Variants in BNC2 observed in about 807,000 individuals in gnomAD.
BNC2 encodes the protein zinc finger protein basonuclin-2.
BNC2 carries 20 observed loss-of-function variants against 76.3 expected under a neutral mutation model. The ratio of observed to expected loss-of-function variants is 0.26; its 90% CI spans 0.18 to 0.38. BNC2 has a LOEUF of 0.38. Ranked by LOEUF, BNC2 falls within the 10% of genes least tolerant of loss-of-function variation. The probability of loss-of-function intolerance (pLI) is 1.00; values close to 1 mark genes in which losing one functional copy is unlikely to be tolerated. For synonymous variants in BNC2, 582 were observed against 514.8 expected, an observed-to-expected ratio of 1.13 and a Z score of -1.77; for missense variants, 1,382 against 1,399.8, an observed-to-expected ratio of 0.99 and a Z score of 0.20.
intron 5 of BNC2, among the ~76,000 whole-genome samples, chr9:16,546,814 T>G (rs1385494882): frequency 2.0e-5 from 3 of 152,162 alleles, no homozygotes; most frequent in African/African-American, 4.8e-5. Context: ...CATATTACAT[T>G]CTGGAAAGAC....
intron 1 of BNC2, among the ~76,000 whole-genome samples, chr9:16,818,741 G>A (rs542269111): frequency 6.6e-6 from 1 of 152,174 alleles, no homozygotes; most frequent in South Asian, 2.1e-4. Context: ...TGCCCAGGCT[G>A]GTCTCAAACT....
chr9:16,737,620 A>G (rs963385225), intron 2 of BNC2, among the ~76,000 whole-genome samples: 9 of 151,582 alleles, frequency 5.9e-5, no homozygotes, highest in African/African-American at 2.2e-4. Context: ...CTCTCAAGCA[A>G]TCTACTGGCC....
intron 5 of BNC2, among the ~76,000 whole-genome samples, chr9:16,438,624 A>C (rs536037582): frequency 7.9e-5 from 12 of 152,298 alleles, no homozygotes; most frequent in Non-Finnish European, 1.5e-4. Context: ...TCCCATTGGG[A>C]CAGCACACTT....
At chr9:16,447,860 C>T (rs1821259828) in intron 5 of BNC2, among the ~76,000 whole-genome samples, 1 of 152,006 alleles carries the variant, frequency 6.6e-6, no homozygotes, top group South Asian at 2.1e-4. Flanking sequence ...CTTTGCAGCT[C>T]CAAAAACTAG....
chr9:16,452,326 C>T (rs926484096), intron 5 of BNC2, among the ~76,000 whole-genome samples: 1 of 152,096 alleles, frequency 6.6e-6, no homozygotes, highest in African/African-American at 2.4e-5. Context: ...AACACTGTCT[C>T]TCATATAGTT....
intron 2 of BNC2, among the ~76,000 whole-genome samples, chr9:16,736,639 G>A (rs2135104170): frequency 6.6e-6 from 1 of 151,248 alleles, no homozygotes; most frequent in African/African-American, 2.4e-5. Context: ...CCATGCCTGG[G>A]TAATTTTTTT....
At chr9:16,846,924 T>C (rs139279398) in intron 1 of BNC2, among the ~76,000 whole-genome samples, 16 of 152,342 alleles carry the variant, frequency 1.1e-4, no homozygotes, top group Non-Finnish European at 1.8e-4. Flanking sequence ...GCAGTATTAG[T>C]GTATAATTAC....
At chr9:16,782,884 G>A (rs994381756) in intron 1 of BNC2, among the ~76,000 whole-genome samples, 1 of 152,186 alleles carries the variant, frequency 6.6e-6, no homozygotes, top group Non-Finnish European at 1.5e-5. Context: ...TAATGAATGA[G>A]TGAGTAAGTG....
chr9:16,726,954 T>C (rs1331984074), intron 3 of BNC2: 5 of 152,214 alleles, frequency 3.3e-5, no homozygotes, highest in East Asian at 3.9e-4. Context: ...ACGGAGCGCA[T>C]GGTACGAGCC....
At chr9:16,487,002 C>T (rs909291689) in intron 5 of BNC2, among the ~76,000 whole-genome samples, 11 of 152,356 alleles carry the variant, frequency 7.2e-5, no homozygotes, top group Non-Finnish European at 1.6e-4. Flanking sequence ...AGCCACCATG[C>T]TTGGCCATAG....
intron 5 of BNC2, among the ~76,000 whole-genome samples, chr9:16,490,842 C>A (rs1822263908): frequency 6.6e-6 from 1 of 152,158 alleles, no homozygotes; most frequent in Non-Finnish European, 1.5e-5. Context: ...TGCAGTGCAG[C>A]TGGTTTCATG....
At chr9:16,499,897 T>G (rs1449321574) in intron 5 of BNC2, among the ~76,000 whole-genome samples, 1 of 151,976 alleles carries the variant, frequency 6.6e-6, no homozygotes, top group Non-Finnish European at 1.5e-5. Flanking sequence ...TCAATCTTCA[T>G]TCTAACTACT....
intron 3 of BNC2, among the ~76,000 whole-genome samples, chr9:16,628,168 A>T (rs896254320): frequency 6.6e-6 from 1 of 152,172 alleles, no homozygotes; most frequent in Non-Finnish European, 1.5e-5. Flanking sequence ...CAGCTGTGTG[A>T]CAGTCTTGCT....
At chr9:16,451,327 A>G (rs1247194136) in intron 5 of BNC2, among the ~76,000 whole-genome samples, 1 of 152,212 alleles carries the variant, frequency 6.6e-6, no homozygotes, top group Non-Finnish European at 1.5e-5. Context: ...GAAGATAGCC[A>G]TTAAAAAAAT....
chr9:16,857,014 C>G (rs1819274939), intron 1 of BNC2, among the ~76,000 whole-genome samples: 1 of 152,058 alleles, frequency 6.6e-6, no homozygotes, highest in Non-Finnish European at 1.5e-5. Flanking sequence ...TTTTGTCAGT[C>G]CATACATATA....
chr9:16,538,273 T>C (rs1818189201), intron 5 of BNC2, among the ~76,000 whole-genome samples: 1 of 152,164 alleles, frequency 6.6e-6, no homozygotes, highest in Non-Finnish European at 1.5e-5. Context: ...TACTTATCAG[T>C]CAAGCTATCA....
At chr9:16,840,212 T>C (rs1206153390) in intron 1 of BNC2, among the ~76,000 whole-genome samples, 1 of 152,206 alleles carries the variant, frequency 6.6e-6, no homozygotes, top group Non-Finnish European at 1.5e-5. Flanking sequence ...CTATCTGCAA[T>C]GTTTATCACA....
intron 1 of BNC2, among the ~76,000 whole-genome samples, chr9:16,768,641 A>C (rs545731921): frequency 6.6e-6 from 1 of 152,310 alleles, no homozygotes; most frequent in East Asian, 1.9e-4. Context: ...TAACTCAGTA[A>C]GTATTTGAAA....
intron 2 of BNC2, among the ~76,000 whole-genome samples, chr9:16,734,200 C>A (rs932682768): frequency 2.0e-5 from 3 of 152,168 alleles, no homozygotes; most frequent in African/African-American, 7.2e-5. Context: ...GATGCATGCA[C>A]GCCAACTACT....
Sources: allele counts gnomAD v4.1 joint callset (sites outside exome capture counted in the v4.1 genomes callset), GRCh38; gene constraint gnomAD v4.1.1; transcripts MANE v1.5; gene names NCBI Gene and HGNC (gene_info 2026-07-23, HGNC 2026-07-21).